The following NSMCE2 variants were observed in gnomAD, a reference collection of about 807,000 sequenced individuals.
NSMCE2 encodes the protein NSE2 SUMO ligase component of SMC5/6 complex, also known as E3 SUMO-protein ligase NSE2.
In NSMCE2, 24 loss-of-function variants were observed where a neutral mutation model predicts 23.8. The observed-to-expected ratio is 1.01, with a 90% CI of 0.73 to 1.42. The LOEUF is 1.42. Among genes scored for constraint, NSMCE2 ranks in the 40% most tolerant of loss-of-function variants. NSMCE2 has a pLI of 0.00. For missense variants in NSMCE2, 284 were observed against 296.5 expected (o/e 0.96, Z 0.31); for synonymous variants, 92 against 94.1 (o/e 0.98, Z 0.13).
intron 5 of NSMCE2, among the ~76,000 whole-genome samples, chr8:125,241,096 G>GA (rs1323795723): frequency 6.6e-6 from 1 of 152,150 alleles, no homozygotes; most frequent in Non-Finnish European, 1.5e-5. Flanking sequence ...TCCCTAATCT[G>GA]AAAATCTGAA....
chr8:125,352,057 A>G (rs1204093173), intron 5 of NSMCE2, among the ~76,000 whole-genome samples: 2 of 152,208 alleles, frequency 1.3e-5, no homozygotes, highest in South Asian at 2.1e-4. Flanking sequence ...CTTGCTACAC[A>G]ATAGGAATAA....
chr8:125,118,753 A>G (rs1819137722), intron 3 of NSMCE2, among the ~76,000 whole-genome samples: 1 of 152,210 alleles, frequency 6.6e-6, no homozygotes, highest in African/African-American at 2.4e-5. Flanking sequence ...AAATTTTTAG[A>G]TCAACTCTTC....
chr8:125,303,891 C>G (rs1828657833), intron 5 of NSMCE2, among the ~76,000 whole-genome samples: 1 of 152,180 alleles, frequency 6.6e-6, no homozygotes, highest in Non-Finnish European at 1.5e-5. Context: ...TAACGTGTCC[C>G]TAAGATGCAT....
chr8:125,327,435 A>G (rs1829714062), intron 5 of NSMCE2, among the ~76,000 whole-genome samples: 1 of 152,182 alleles, frequency 6.6e-6, no homozygotes, highest in Admixed American at 6.5e-5. Context: ...GGCTTTAAAG[A>G]TAATTCTGGG....
chr8:125,271,179 T>G (rs989255922), intron 5 of NSMCE2, among the ~76,000 whole-genome samples: 2 of 151,466 alleles, frequency 1.3e-5, no homozygotes, highest in Non-Finnish European at 2.9e-5. Flanking sequence ...GAGAATTGCT[T>G]GAACCTGGGA....
At chr8:125,097,784 T>G (rs972183570) in intron 1 of NSMCE2, among the ~76,000 whole-genome samples, 2 of 152,150 alleles carry the variant, frequency 1.3e-5, no homozygotes, top group African/African-American at 4.8e-5. Flanking sequence ...TATCAAATAG[T>G]TAAGGTTATA....
chr8:125,186,122 GA>G (rs1189973913), intron 5 of NSMCE2, among the ~76,000 whole-genome samples: 2 of 151,990 alleles, frequency 1.3e-5, no homozygotes, highest in Admixed American at 6.5e-5. Flanking sequence ...AACTGTTGGA[GA>G]AAAAAATCAA....
At chr8:125,196,218 T>C (rs560983048) in intron 5 of NSMCE2, among the ~76,000 whole-genome samples, 70 of 151,270 alleles carry the variant, frequency 4.6e-4, no homozygotes, top group African/African-American at 1.6e-3. Context: ...TTTTTTTTTT[T>C]ATACTTTAAG....
intron 5 of NSMCE2, among the ~76,000 whole-genome samples, chr8:125,252,426 C>T (rs1229172260): frequency 4.6e-5 from 7 of 151,952 alleles, no homozygotes; most frequent in South Asian, 2.1e-4. Flanking sequence ...ACTCGGGAGG[C>T]GAGACAGGAG....
intron 5 of NSMCE2, among the ~76,000 whole-genome samples, chr8:125,298,827 C>T (rs4481616): frequency 0.89 from 135,211 of 151,970 alleles, 60,294 homozygotes; most frequent in African/African-American, 0.95. Flanking sequence ...TGATGGGTGA[C>T]TTTTTAAATT....
At chr8:125,188,432 C>T (rs1166118064) in intron 5 of NSMCE2, among the ~76,000 whole-genome samples, 1 of 152,216 alleles carries the variant, frequency 6.6e-6, no homozygotes, top group Non-Finnish European at 1.5e-5. Flanking sequence ...TTCTGTGCTA[C>T]TGAAAGGGGA....
At chr8:125,200,044 CT>C (rs1823795706) in intron 5 of NSMCE2, among the ~76,000 whole-genome samples, 1 of 152,164 alleles carries the variant, frequency 6.6e-6, no homozygotes, top group Admixed American at 6.5e-5. Context: ...TCCTCCATCC[CT>C]TTATTTTGAG....
chr8:125,299,460 G>A (rs755101823), intron 5 of NSMCE2, among the ~76,000 whole-genome samples: 1 of 152,108 alleles, frequency 6.6e-6, no homozygotes, highest in Non-Finnish European at 1.5e-5. Flanking sequence ...GCGAGCAAGA[G>A]GCGAGAACTG....
At chr8:125,355,104 G>A (rs557996388) in intron 5 of NSMCE2, among the ~76,000 whole-genome samples, 1 of 152,094 alleles carries the variant, frequency 6.6e-6, no homozygotes, top group Non-Finnish European at 1.5e-5. Context: ...TCCGAAATCC[G>A]AAACACTTCT....
At chr8:125,212,592 C>G (rs1824394704) in intron 5 of NSMCE2, among the ~76,000 whole-genome samples, 1 of 151,986 alleles carries the variant, frequency 6.6e-6, no homozygotes, top group Non-Finnish European at 1.5e-5. Flanking sequence ...GAAGTCATTG[C>G]CAGAGTATTA....
At chr8:125,253,813 G>A (rs1483667088) in intron 5 of NSMCE2, among the ~76,000 whole-genome samples, 1 of 152,106 alleles carries the variant, frequency 6.6e-6, no homozygotes, top group African/African-American at 2.4e-5. Flanking sequence ...GAAGAATTTG[G>A]AGGAAAAAGA....
At chr8:125,216,163 T>C (rs1201594208) in intron 5 of NSMCE2, among the ~76,000 whole-genome samples, 1 of 152,218 alleles carries the variant, frequency 6.6e-6, no homozygotes, top group Non-Finnish European at 1.5e-5. Context: ...TTTCATTCTC[T>C]TTTAAGGCTG....
At chr8:125,237,605 A>T (rs2130967052) in intron 5 of NSMCE2, among the ~76,000 whole-genome samples, 1 of 152,366 alleles carries the variant, frequency 6.6e-6, no homozygotes, top group South Asian at 2.1e-4. Flanking sequence ...CTGATAGAGT[A>T]ATTCAGTTAT....
At chr8:125,323,897 C>G (rs1200319896) in intron 5 of NSMCE2, among the ~76,000 whole-genome samples, 1 of 152,126 alleles carries the variant, frequency 6.6e-6, no homozygotes, top group Non-Finnish European at 1.5e-5. Flanking sequence ...ATTTTCAAAT[C>G]ACAAATCTGA....
Sources: allele counts gnomAD v4.1 joint callset (sites outside exome capture counted in the v4.1 genomes callset), GRCh38; gene constraint gnomAD v4.1.1; transcripts MANE v1.5; gene names NCBI Gene and HGNC (gene_info 2026-07-23, HGNC 2026-07-21).